The following CDKAL1 variants were observed in gnomAD, a reference collection of about 807,000 sequenced individuals.
CDKAL1 encodes the protein threonylcarbamoyladenosine tRNA methylthiotransferase.
In CDKAL1, 32 loss-of-function variants were observed where a neutral mutation model predicts 68.2. That is an observed-to-expected ratio of 0.47 (90% CI 0.35 to 0.63). CDKAL1 has a LOEUF of 0.63. Ranked by LOEUF, CDKAL1 falls within the 30% of genes least tolerant of loss-of-function variation. CDKAL1 has a pLI of 0.00. For synonymous variants in CDKAL1, 234 were observed against 244.3 expected (o/e 0.96, Z 0.39); for missense variants, 606 against 696.7 (o/e 0.87, Z 1.47).
intron 9 of CDKAL1, among the ~76,000 whole-genome samples, chr6:20,945,289 G>C (rs1301143800): frequency 1.3e-5 from 2 of 151,996 alleles, no homozygotes; most frequent in Non-Finnish European, 2.9e-5. Flanking sequence ...GAGAACTTTG[G>C]ATTTTGTATT....
chr6:21,014,809 T>C (rs1477948417), intron 11 of CDKAL1, among the ~76,000 whole-genome samples: 1 of 152,236 alleles, frequency 6.6e-6, no homozygotes, highest in Non-Finnish European at 1.5e-5. Context: ...ATATCTCCTA[T>C]TTTAATCTCA....
chr6:20,928,685 C>CTTTTTTTTTTTT (rs55795720), intron 9 of CDKAL1, among the ~76,000 whole-genome samples: 2 of 120,186 alleles, frequency 1.7e-5, no homozygotes, highest in Non-Finnish European at 1.7e-5. Context: ...TTACAATATT[C>CTTTTTTTTTTTT]TTTTTTTTTT....
At chr6:20,922,539 G>A (rs914631054) in intron 9 of CDKAL1, among the ~76,000 whole-genome samples, 1 of 152,176 alleles carries the variant, frequency 6.6e-6, no homozygotes, top group Non-Finnish European at 1.5e-5. Context: ...ACAAATAACA[G>A]GCAAGCTGCT....
At chr6:21,000,992 A>T (rs1052528788) in intron 11 of CDKAL1, among the ~76,000 whole-genome samples, 11 of 152,188 alleles carry the variant, frequency 7.2e-5, no homozygotes, top group African/African-American at 2.7e-4. Context: ...GCCCTTAATT[A>T]TGTTCTTCAA....
intron 9 of CDKAL1, among the ~76,000 whole-genome samples, chr6:20,868,110 A>G (rs1320233008): frequency 2.6e-5 from 4 of 152,178 alleles, no homozygotes; most frequent in African/African-American, 4.8e-5. Context: ...ACATAGGCAT[A>G]CACTCATGCA....
chr6:20,568,298 C>T (rs1352460357), intron 4 of CDKAL1, among the ~76,000 whole-genome samples: 1 of 152,126 alleles, frequency 6.6e-6, no homozygotes, highest in South Asian at 2.1e-4. Flanking sequence ...GGATTCCAGG[C>T]GTAAGCCACT....
intron 4 of CDKAL1, among the ~76,000 whole-genome samples, chr6:20,640,102 G>C (rs1768101303): frequency 6.6e-6 from 1 of 152,130 alleles, no homozygotes; most frequent in African/African-American, 2.4e-5. Context: ...AAACCCTCTG[G>C]GTATGGGTAA....
intron 4 of CDKAL1, among the ~76,000 whole-genome samples, chr6:20,559,873 AT>A (rs1353866370): frequency 6.6e-6 from 1 of 152,192 alleles, no homozygotes; most frequent in Non-Finnish European, 1.5e-5. Context: ...GGGATAATTT[AT>A]TTAGAAATAG....
intron 9 of CDKAL1, among the ~76,000 whole-genome samples, chr6:20,948,154 C>CTGTA (rs2150712094): frequency 6.6e-6 from 1 of 151,784 alleles, no homozygotes; most frequent in Non-Finnish European, 1.5e-5. Context: ...ATAGCTAGAA[C>CTGTA]TACAGGTGCA....
At chr6:20,694,213 C>CAAAT (rs1771012995) in intron 5 of CDKAL1, among the ~76,000 whole-genome samples, 1 of 151,992 alleles carries the variant, frequency 6.6e-6, no homozygotes, top group Non-Finnish European at 1.5e-5. Flanking sequence ...AACAAACAAA[C>CAAAT]GTATTTTTTG....
At chr6:20,815,998 A>C (rs1029816635) in intron 8 of CDKAL1, among the ~76,000 whole-genome samples, 1 of 152,150 alleles carries the variant, frequency 6.6e-6, no homozygotes, top group East Asian at 1.9e-4. Context: ...TATAGGAGAG[A>C]ATCCTTTCTT....
chr6:20,568,278 T>G (rs559451575), intron 4 of CDKAL1, among the ~76,000 whole-genome samples: 1 of 152,300 alleles, frequency 6.6e-6, no homozygotes, highest in African/African-American at 2.4e-5. Context: ...TTCAGCCTCC[T>G]AAAGTGTTGG....
intron 4 of CDKAL1, among the ~76,000 whole-genome samples, chr6:20,603,625 A>G (rs1561958400): frequency 6.6e-6 from 1 of 152,198 alleles, no homozygotes; most frequent in Non-Finnish European, 1.5e-5. Flanking sequence ...AAGCCCCACA[A>G]AAGACTCACC....
In CDKAL1 at chr6:20,689,685, G is replaced by A. The variant is rs562642516; in HGVS notation, c.371+40308G>A. On this transcript the variant is annotated intron_variant, in intron 5 of 15. Transcript: ENST00000274695. The stretch of plus-strand genomic sequence containing the variant: ...GTAAATGGTGTTTTTGTTATTACTG[G>A]TTGTTACTTGTTAAAGGTTTATGTT... Among the ~76,000 whole-genome samples, 3 of 152,028 alleles carry A rather than the reference G, an allele frequency of 2.0e-5. No homozygotes were observed. In the South Asian group the frequency reaches 6.2e-4, roughly 32 times the overall value.
At chr6:21,045,466 C>T (rs940302530) in intron 11 of CDKAL1, among the ~76,000 whole-genome samples, 2 of 152,116 alleles carry the variant, frequency 1.3e-5, no homozygotes, top group Non-Finnish European at 2.9e-5. Flanking sequence ...CTAGTTGTAC[C>T]TATTAACATT....
chr6:20,548,952 C>T (rs1177594797), intron 4 of CDKAL1, among the ~76,000 whole-genome samples: 1 of 152,102 alleles, frequency 6.6e-6, no homozygotes, highest in Non-Finnish European at 1.5e-5. Flanking sequence ...ACCAAGCTTC[C>T]CTTGATATTA....
chr6:20,798,809 C>T (rs527830919), intron 8 of CDKAL1, among the ~76,000 whole-genome samples: 8 of 149,124 alleles, frequency 5.4e-5, no homozygotes, highest in East Asian at 4.0e-4. Flanking sequence ...ATATATCTAA[C>T]GTAAATGACG....
intron 6 of CDKAL1, among the ~76,000 whole-genome samples, chr6:20,742,958 A>G (rs934988141): frequency 6.6e-6 from 1 of 152,162 alleles, no homozygotes; most frequent in African/African-American, 2.4e-5. Flanking sequence ...AAACAAAATT[A>G]TCTAAGTTTT....
At position 20,734,662 on chromosome 6, in the gene CDKAL1, G is replaced by C. The variant is rs1444296938; in HGVS notation, c.372-4857G>C. Among the ~76,000 whole-genome samples the C allele has an allele frequency of 2.6e-5, 4 of 152,124 alleles. No individual in the cohort carries two copies. The East Asian group carries it at 5.8e-4, about 22-fold the overall frequency. ...GGTGTTAATATTCCATGACAGCTAT[G>C]ATTTCGGCTTAGATTATAGTTCTGG... On this transcript the variant is annotated intron_variant, in intron 5 of 15. Transcript: ENST00000274695.
Sources: gnomAD v4.1 joint callset for allele counts (sites outside exome capture counted in the v4.1 genomes callset) on GRCh38, gnomAD v4.1.1 for gene constraint, MANE v1.5 for transcripts, NCBI Gene and HGNC (gene_info 2026-07-23, HGNC 2026-07-21) for gene names.